The following GPR174 variants were observed in gnomAD, a reference collection of about 807,000 sequenced individuals.
GPR174 encodes probable G protein-coupled receptor 174.
GPR174 carries 8 observed loss-of-function variants against 16.5 expected under a neutral mutation model. The observed-to-expected ratio is 0.48, with a 90% CI of 0.28 to 0.87. The LOEUF is 0.87. Among genes scored for constraint, GPR174 ranks in the 40% least tolerant of loss-of-function variants. The pLI is 0.09. For synonymous variants in GPR174, 111 were observed against 94.8 expected (o/e 1.17, Z -0.99); for missense variants, 214 against 247.5 (o/e 0.86, Z 0.91).
intron 2 of GPR174, among the ~76,000 whole-genome samples, chrX:79,158,231 T>G (rs1281660994): frequency 1.9e-5 from 2 of 105,740 alleles, no homozygotes; most frequent in African/African-American, 6.9e-5. Context: ...TAGTGAGACT[T>G]TCTCATAAAA....
At chrX:79,168,376 G>A (rs1403764004) in intron 2 of GPR174, among the ~76,000 whole-genome samples, 1 of 111,335 alleles carries the variant, frequency 9.0e-6, no homozygotes, top group Admixed American at 9.6e-5. Flanking sequence ...CACCCCAGAT[G>A]GCATCTCTAC....
Position 79,165,731 on chromosome X carries a change from C to G in GPR174, c.-556-4721C>G, listed in dbSNP as rs1921344979. Among the ~76,000 whole-genome samples the G allele has an allele frequency of 1.8e-5, 2 of 110,869 alleles. 1 individual carries two copies. The highest frequency in any genetic ancestry group is 7.8e-4 in the South Asian group (2 of 2,565). On this transcript the variant is annotated intron_variant, in intron 2 of 2. Transcript: ENST00000645147. ...CCATGCTTGGTCTTTCTACCAGACCCCATAAGGTTGGTTTACTCCTCCCTT... is the reference window on the plus strand; with the variant it reads ...CCATGCTTGGTCTTTCTACCAGACCGCATAAGGTTGGTTTACTCCTCCCTT...
chrX:79,163,859 A>T (rs940859778), intron 2 of GPR174, among the ~76,000 whole-genome samples: 28 of 111,510 alleles, frequency 2.5e-4, no homozygotes, highest in African/African-American at 9.1e-4. Context: ...AGGGCACTTT[A>T]TACATCTTGT....
intron 1 of GPR174, among the ~76,000 whole-genome samples, chrX:79,152,164 C>A (rs1016573245): frequency 9.0e-6 from 1 of 111,492 alleles, no homozygotes; most frequent in Admixed American, 9.5e-5. Flanking sequence ...AACAGGTCTG[C>A]AACAATAGAT....
chrX:79,171,853 T>C lies in GPR174; in HGVS notation c.846T>C (p.Ser282=). 1 of 1,211,426 alleles carries C rather than the reference T, an allele frequency of 8.3e-7. No individual in the cohort carries two copies. The highest frequency in any genetic ancestry group is 1.1e-6 in the Non-Finnish European group (1 of 895,352). The change falls in exon 3 of 3, where the codon AGT becomes AGC. Residue 282 remains serine, a synonymous_variant. Transcript: ENST00000645147. ...ATTCTGTGGCATTGTGTCTTGCTAG[T>C]CTGAATTCATGTCTTGACCCAGTCA... The part of the protein sequence containing the change: ...IFHSVALCLA[S]LNSCLDPVIY...
chrX:79,146,537 T>C (rs1926502779), intron 1 of GPR174, among the ~76,000 whole-genome samples: 1 of 112,277 alleles, frequency 8.9e-6, no homozygotes, highest in South Asian at 3.6e-4. Context: ...TGCCAAGAAG[T>C]TTGTGTCCAA....
chrX:79,153,511 G>C (rs1341924110), intron 1 of GPR174, among the ~76,000 whole-genome samples: 1 of 111,362 alleles, frequency 9.0e-6, no homozygotes, highest in Non-Finnish European at 1.9e-5. Context: ...GAATATCTGT[G>C]TTTCTATATG....
At chrX:79,166,485 C>A (rs1357346846) in intron 2 of GPR174, among the ~76,000 whole-genome samples, 1 of 76,781 alleles carries the variant, frequency 1.3e-5, no homozygotes, top group African/African-American at 5.4e-5. Context: ...TGTCGCCAGG[C>A]TGGAGTGCAG....
At chrX:79,161,194 C>A (rs1921226696) in intron 2 of GPR174, among the ~76,000 whole-genome samples, 1 of 111,947 alleles carries the variant, frequency 8.9e-6, no homozygotes, top group Non-Finnish European at 1.9e-5. Flanking sequence ...AATCTCTTTG[C>A]ACCTGACAAA....
At chrX:79,159,488 G>C (rs1921182391) in intron 2 of GPR174, among the ~76,000 whole-genome samples, 1 of 111,808 alleles carries the variant, frequency 8.9e-6, no homozygotes, top group Non-Finnish European at 1.9e-5. Context: ...TATTTATATA[G>C]TACTTACTAT....
chrX:79,174,890 T>G lies in GPR174; in HGVS notation c.*2881T>G. Reference sequence around the variant, plus strand: ...ATTGTGGTGCAAAGAGTAAACACCCTCAACCATAGTAATGTATACTTCAAG... The same window carrying G: ...ATTGTGGTGCAAAGAGTAAACACCCGCAACCATAGTAATGTATACTTCAAG... On this transcript the variant is annotated 3_prime_UTR_variant, in exon 3 of 3. Transcript: ENST00000645147. 8.9e-6 allele frequency: 1 copy of G among 111,926 alleles called. No homozygotes were observed. The highest frequency in any genetic ancestry group is 1.9e-5 in the Non-Finnish European group (1 of 53,227). 9.2% of individuals were successfully genotyped at this position (111,926 alleles called of 1,213,427 possible). A position where few individuals can be genotyped will look rare whatever the true frequency, so the allele number is the denominator to read the frequency against.
At chrX:79,166,117 C>T (rs1054058921) in intron 2 of GPR174, among the ~76,000 whole-genome samples, 1 of 111,445 alleles carries the variant, frequency 9.0e-6, no homozygotes, top group African/African-American at 3.3e-5. Context: ...TAAAATGGAA[C>T]TTTGTAAAAT....
At chrX:79,166,362 G>A (rs1921361394) in intron 2 of GPR174, among the ~76,000 whole-genome samples, 1 of 102,651 alleles carries the variant, frequency 9.7e-6, no homozygotes, top group African/African-American at 3.5e-5. Context: ...AAATGGAGCT[G>A]TATAAAATTG....
intron 1 of GPR174, among the ~76,000 whole-genome samples, chrX:79,148,464 A>G (rs993279148): frequency 4.5e-5 from 5 of 111,953 alleles, no homozygotes; most frequent in Non-Finnish European, 9.4e-5. Flanking sequence ...TACTTGGCAG[A>G]TGAGATTCAG....
Position 79,172,440 on chromosome X carries a change from C to G in GPR174, c.*431C>G, listed in dbSNP as rs923673331. 1.6e-5 allele frequency: 2 copies of G among 121,773 alleles called. No individual in the cohort carries two copies. The highest frequency in any genetic ancestry group is 1.7e-4 in the Admixed American group (2 of 11,588). The allele number at this position is 121,773 out of a possible 1,213,427, so 10.0% of individuals were successfully genotyped here. ...ATATTAGTAATCACAGTTTACATGC[C>G]ATTTTCATATGTTTGGTTATATTTT... is the stretch of plus-strand genomic sequence containing the variant. On this transcript the variant is annotated 3_prime_UTR_variant, in exon 3 of 3. Transcript: ENST00000645147.
In GPR174 at chrX:79,174,261, T is replaced by C. The variant is rs771750295; in HGVS notation, c.*2252T>C. On this transcript the variant is annotated 3_prime_UTR_variant, in exon 3 of 3. Coordinates refer to ENST00000645147, the MANE Select transcript of GPR174 (RefSeq NM_032553.3). ...CACCCTTTTTCCCCAGGCCTGCCCA[T>C]CTACGTTTGTATTCAGTGCTCTGAT... 1 of 107,347 alleles carries C rather than the reference T, an allele frequency of 9.3e-6. No individual in the cohort carries two copies. The highest frequency in any genetic ancestry group is 1.0e-4 in the Admixed American group (1 of 9,862). 8.8% of individuals were successfully genotyped at this position (107,347 alleles called of 1,213,427 possible).
intron 2 of GPR174, among the ~76,000 whole-genome samples, chrX:79,161,701 A>T (rs1921237780): frequency 8.9e-6 from 1 of 111,938 alleles, no homozygotes; most frequent in Non-Finnish European, 1.9e-5. Flanking sequence ...AATTTAATTT[A>T]AAAATATTAC....
chrX:79,154,766 G>T (rs1921057236), intron 1 of GPR174, among the ~76,000 whole-genome samples: 1 of 110,721 alleles, frequency 9.0e-6, no homozygotes, highest in Admixed American at 9.6e-5. Context: ...CATTCCCAAG[G>T]TCACACCACT....
intron 2 of GPR174, among the ~76,000 whole-genome samples, chrX:79,163,926 G>T (rs1053242515): frequency 1.8e-5 from 2 of 111,132 alleles, no homozygotes; most frequent in Non-Finnish European, 3.8e-5. Context: ...GATTATTGTG[G>T]GAAGAACAGA....
Sources: gnomAD v4.1 joint callset for allele counts (sites outside exome capture counted in the v4.1 genomes callset) on GRCh38, gnomAD v4.1.1 for gene constraint, MANE v1.5 for transcripts, NCBI Gene and HGNC (gene_info 2026-07-23, HGNC 2026-07-21) for gene names.